Variants in KLHDC4 observed in about 807,000 individuals in gnomAD.
KLHDC4 encodes kelch domain-containing protein 4.
In KLHDC4, 90 loss-of-function variants were observed where a neutral mutation model predicts 62.4. The ratio of observed to expected loss-of-function variants is 1.44; its 90% CI spans 1.22 to 1.72. KLHDC4 has a LOEUF of 1.72. Among genes scored for constraint, KLHDC4 ranks in the 40% most tolerant of loss-of-function variants. The probability of loss-of-function intolerance (pLI) is 0.00; values close to 1 mark genes in which losing one functional copy is unlikely to be tolerated. For synonymous variants in KLHDC4, 386 were observed against 284.4 expected (o/e 1.36, Z -3.59); for missense variants, 1,025 against 699.7 (o/e 1.47, Z -5.25).
intron 7 of KLHDC4, among the ~76,000 whole-genome samples, chr16:87,720,837 T>C (rs1381361598): frequency 6.6e-6 from 1 of 152,212 alleles, no homozygotes; most frequent in South Asian, 2.1e-4. Context: ...CGCAGCCTCT[T>C]TGGGGACACT....
rs2039466056 is a variant in KLHDC4, at chr16:87,726,914, A to T, written c.610T>A (p.Tyr204Asn). 1.2e-6 allele frequency: 2 copies of T among 1,613,824 alleles called. No individual in the cohort carries two copies. The highest frequency in any genetic ancestry group is 1.7e-6 in the Non-Finnish European group (2 of 1,179,914). The change falls in exon 7 of 12, where the codon TAC becomes AAC. Residue 204 changes from tyrosine to asparagine, a missense_variant. Coordinates refer to ENST00000270583, the MANE Select transcript of KLHDC4 (RefSeq NM_017566.4). ...GFHESTRDYIYYNDVYAFNLD... is the reference protein window; with the variant it reads ...GFHESTRDYINYNDVYAFNLD... ...TTAAAGGCATACACGTCGTTGTAGTAGATGTAATCCCTGGTTAGAAGAACA... is the reference window on the plus strand; with the variant it reads ...TTAAAGGCATACACGTCGTTGTAGTTGATGTAATCCCTGGTTAGAAGAACA...
At chr16:87,719,745 T>TA (rs1035233610) in intron 7 of KLHDC4, among the ~76,000 whole-genome samples, 1 of 151,940 alleles carries the variant, frequency 6.6e-6, no homozygotes, top group South Asian at 2.1e-4. Context: ...TTGGAGAAGT[T>TA]AGACTTCATT....
exon 1 of KLHDC4, chr16:87,702,287 A>T (rs1567629088): frequency 2.2e-6 from 1 of 456,318 alleles, no homozygotes; most frequent in Non-Finnish European, 4.4e-6. Context: ...CTGTTTGGCA[A>T]GGAGGGCCGG....
chr16:87,752,548 G>A (rs1351954202), intron 4 of KLHDC4, among the ~76,000 whole-genome samples: 2 of 152,004 alleles, frequency 1.3e-5, no homozygotes, highest in African/African-American at 4.8e-5. Context: ...TGTTGGCCAG[G>A]ATGGTCTCGA....
chr16:87,724,740 G>C (rs796348423), intron 7 of KLHDC4, among the ~76,000 whole-genome samples: 3 of 152,158 alleles, frequency 2.0e-5, no homozygotes, highest in Non-Finnish European at 2.9e-5. Context: ...AAGTGGAACC[G>C]GCCACTGCTT....
chr16:87,757,972 C>A (rs187019736), intron 2 of KLHDC4, among the ~76,000 whole-genome samples: 6 of 152,286 alleles, frequency 3.9e-5, no homozygotes, highest in Middle Eastern at 3.4e-3. Context: ...TCTGGCGAAT[C>A]ACTGGGAAAG....
downstream of KLHDC4, among the ~76,000 whole-genome samples, chr16:87,707,010 G>A (rs1459618424): frequency 2.6e-5 from 4 of 152,196 alleles, no homozygotes; most frequent in African/African-American, 9.7e-5. Context: ...GATAAGAAAT[G>A]GGACCATAGT....
intron 5 of KLHDC4, among the ~76,000 whole-genome samples, chr16:87,731,324 A>T (rs142014078): frequency 1.0e-3 from 153 of 152,084 alleles, no homozygotes; most frequent in African/African-American, 3.2e-3. Flanking sequence ...TGCCTGACTC[A>T]GACTCCCAAA....
chr16:87,720,014 C>T (rs1026531535), intron 7 of KLHDC4, among the ~76,000 whole-genome samples: 32 of 152,198 alleles, frequency 2.1e-4, no homozygotes, highest in African/African-American at 5.3e-4. Context: ...CCCCACCTCC[C>T]GCAGAAGTAC....
chr16:87,752,302 G>T (rs540069437), intron 4 of KLHDC4, among the ~76,000 whole-genome samples: 10 of 148,990 alleles, frequency 6.7e-5, no homozygotes, highest in Middle Eastern at 3.6e-3. Flanking sequence ...CCAGGCAAGA[G>T]TGTAATCCAC....
At chr16:87,761,664 T>C (rs1024047818) in intron 2 of KLHDC4, among the ~76,000 whole-genome samples, 3 of 152,164 alleles carry the variant, frequency 2.0e-5, no homozygotes, top group Non-Finnish European at 4.4e-5. Context: ...AAAAGCTCAC[T>C]GGGGCAAAAC....
downstream of KLHDC4, among the ~76,000 whole-genome samples, chr16:87,703,889 A>G (rs1450755781): frequency 6.6e-6 from 1 of 152,200 alleles, no homozygotes; most frequent in Non-Finnish European, 1.5e-5. Context: ...AATGGAGGTG[A>G]CTGCAACCTG....
intron 6 of KLHDC4, among the ~76,000 whole-genome samples, chr16:87,729,695 C>T (rs1430592855): frequency 2.0e-5 from 3 of 152,350 alleles, no homozygotes; most frequent in African/African-American, 4.8e-5. Context: ...AAAAGAGAAC[C>T]GCAGGCCTCT....
At position 87,724,027 on chromosome 16, in the gene KLHDC4, G is replaced by C. The variant is rs2038912950; in HGVS notation, c.759+2738C>G. The stretch of plus-strand genomic sequence containing the variant: ...AATTTTTGTATTTTTCAGTAGACAT[G>C]GGGTTTCACCATGTTGGCCAGGCTG... On this transcript the variant is annotated intron_variant, in intron 7 of 11. Transcript: ENST00000270583. 2.6e-5 allele frequency among the ~76,000 whole-genome samples: 4 copies of C among 152,080 alleles called. 1 individual carries two copies. In the South Asian group the frequency reaches 8.3e-4, roughly 32 times the overall value.
intron 7 of KLHDC4, among the ~76,000 whole-genome samples, chr16:87,724,316 C>A (rs1003100070): frequency 6.6e-6 from 1 of 152,146 alleles, no homozygotes; most frequent in Non-Finnish European, 1.5e-5. Context: ...TGAAGCTAAA[C>A]AAGGTCTTCC....
At chr16:87,752,635 C>G (rs1411874762) in intron 4 of KLHDC4, among the ~76,000 whole-genome samples, 1 of 151,936 alleles carries the variant, frequency 6.6e-6, no homozygotes, top group Non-Finnish European at 1.5e-5. Flanking sequence ...ATGCCCAGCC[C>G]ACAGCACTGT....
At chr16:87,749,464 G>A (rs142710421) in intron 4 of KLHDC4, among the ~76,000 whole-genome samples, 1 of 146,736 alleles carries the variant, frequency 6.8e-6, no homozygotes, top group Non-Finnish European at 1.5e-5. Context: ...TAAGGCAGAA[G>A]AATCGCTTGA....
At chr16:87,746,499 C>A (rs191018447) in intron 5 of KLHDC4, among the ~76,000 whole-genome samples, 1 of 152,326 alleles carries the variant, frequency 6.6e-6, no homozygotes, top group East Asian at 1.9e-4. Context: ...GCACACTCCA[C>A]ACGACCTTCC....
chr16:87,764,163 G>T (rs762439775), intron 1 of KLHDC4, among the ~76,000 whole-genome samples: 2 of 152,194 alleles, frequency 1.3e-5, no homozygotes, highest in African/African-American at 4.8e-5. Context: ...AGACACAGCT[G>T]AATTTAAGAA....
Sources: allele counts gnomAD v4.1 joint callset (sites outside exome capture counted in the v4.1 genomes callset), GRCh38; gene constraint gnomAD v4.1.1; transcripts MANE v1.5; gene names NCBI Gene and HGNC (gene_info 2026-07-23, HGNC 2026-07-21).